The following TFB1M variants were observed in gnomAD, a reference collection of about 807,000 sequenced individuals.
TFB1M encodes transcription factor B1, mitochondrial.
Under a neutral mutation model 31.1 loss-of-function variants are expected in TFB1M, and 27 were observed. The observed-to-expected ratio is 0.87, with a 90% CI of 0.64 to 1.20. The LOEUF (loss-of-function observed/expected upper bound fraction) is 1.20. TFB1M is among the 50% of genes most tolerant of loss of function. TFB1M has a pLI of 0.00. For missense variants in TFB1M, 394 were observed against 418.7 expected (o/e 0.94, Z 0.51); for synonymous variants, 166 against 151.8 (o/e 1.09, Z -0.69).
Position 155,296,935 on chromosome 6 carries a change from C to G in TFB1M, c.546+18G>C, listed in dbSNP as rs766905185. 1 of 1,611,552 alleles carries G rather than the reference C, an allele frequency of 6.2e-7. No individual in the cohort carries two copies. Among genetic ancestry groups the G allele is most frequent in the Non-Finnish European group, 8.5e-7 (1 of 1,178,054 alleles). The stretch of plus-strand genomic sequence containing the variant: ...ATTTGAACATGTGATAAAATAGTCA[C>G]AAAATGTTAAAACTTACCTCTGCCA... On this transcript the variant is annotated intron_variant, in intron 4 of 6. Coordinates refer to ENST00000367166, the MANE Select transcript of TFB1M (RefSeq NM_016020.4).
At chr6:155,240,817 AG>A in the TFB1M span, 61 of 1,146,220 alleles carry the variant, frequency 5.3e-5, no homozygotes, top group Middle Eastern at 2.5e-4. Flanking sequence ...GCCACTCCCC[AG>A]GGGGGGACAC....
At chr6:155,266,183 T>C (rs1197178195) in intron 5 of TFB1M, among the ~76,000 whole-genome samples, 1 of 152,076 alleles carries the variant, frequency 6.6e-6, no homozygotes, top group African/African-American at 2.4e-5. Context: ...GTGTTAACCA[T>C]CACAACATTT....
Position 155,297,000 on chromosome 6 carries a change from A to G in TFB1M, c.499T>C (p.Tyr167His). Reference protein sequence around the residue: ...NISCRDGPFVYGRTQMTLTFQ... With the variant: ...NISCRDGPFVHGRTQMTLTFQ... ...GTCAAAGTCATCTGAGTTCTGCCAT[A>G]AACAAAAGGTCCATCTCTACAGGAA... Residue 167 changes from tyrosine to histidine, a missense_variant, in exon 4 of 7, where the codon TAT becomes CAT. Transcript: ENST00000367166. 6.2e-7 allele frequency: 1 copy of G among 1,614,020 alleles called. No individual in the cohort carries two copies. The highest frequency in any genetic ancestry group is 8.5e-7 in the Non-Finnish European group (1 of 1,179,940).
intron 1 of TFB1M, 72 bp downstream of exon 1, chr6:155,314,224 G>C: frequency 6.3e-7 from 1 of 1,589,346 alleles, no homozygotes; most frequent in Non-Finnish European, 8.6e-7. Context: ...CCGCGGGGAC[G>C]TGCAAGACCC....
chr6:155,258,349 A>G (rs1583303413), intron 6 of TFB1M, among the ~76,000 whole-genome samples: 1 of 151,204 alleles, frequency 6.6e-6, no homozygotes, highest in Non-Finnish European at 1.5e-5. Context: ...TTTAAAGGTA[A>G]GTAAGTAAGT....
chr6:155,254,047 C>T, downstream of TFB1M: 1 of 1,614,078 alleles, frequency 6.2e-7, no homozygotes, highest in Non-Finnish European at 8.5e-7. Flanking sequence ...AACCATCTTT[C>T]AGTTGTGTTG....
At chr6:155,251,052 G>T in the TFB1M span, 1 of 1,588,838 alleles carries the variant, frequency 6.3e-7, no homozygotes. Flanking sequence ...AATGCAGACT[G>T]AACAGAGGCT....
chr6:155,246,227 C>T, the TFB1M span, among the ~76,000 whole-genome samples: 1 of 152,136 alleles, frequency 6.6e-6, no homozygotes, highest in East Asian at 1.9e-4. Flanking sequence ...TTTCTCTCTG[C>T]GTGGGCCTGG....
Position 155,257,988 on chromosome 6 carries a change from T to C in TFB1M, c.889A>G (p.Ile297Val), listed in dbSNP as rs758508184. 15 of 1,614,244 alleles carry C rather than the reference T, an allele frequency of 9.3e-6. No individual in the cohort carries two copies. Among genetic ancestry groups the C allele is most frequent in the East Asian group, 8.9e-5 (4 of 44,884 alleles). Residue 297 changes from isoleucine (I) to valine (V), a missense_variant, in exon 7 of 7, where the codon ATC (isoleucine) becomes GTC (valine). By Grantham distance (29) the Ile-to-Val change is conservative (BLOSUM62 3). Coordinates refer to ENST00000367166, the MANE Select transcript of TFB1M (RefSeq NM_016020.4). Reference protein sequence around the residue: ...DPTLRPRQLSISHFKSLCDVY... With the variant: ...DPTLRPRQLSVSHFKSLCDVY... ...TCACAGAGGCTCTTAAAGTGTGAGA[T>C]GGAGAGCTGGCGGGGCCGAAGAGTA... is the stretch of plus-strand genomic sequence containing the variant.
At chr6:155,251,104 ACTCC>A in the TFB1M span, 6 of 1,190,344 alleles carry the variant, frequency 5.0e-6, no homozygotes, top group South Asian at 1.2e-5. Flanking sequence ...AGTCCAGCTC[ACTCC>A]TGAGCTCCAG....
Position 155,256,390 on chromosome 6 carries a change from C to G in TFB1M, c.*1446G>C, listed in dbSNP as rs1375559102. ...CTGAAGTCATATCATAAAATAAAAT[C>G]TTAATGTTAAATCTTACACAAGCTT... On this transcript the variant is annotated 3_prime_UTR_variant, in exon 7 of 7. Transcript: ENST00000367166. 6.5e-7 allele frequency: 1 copy of G among 1,548,090 alleles called. No homozygotes were observed. Among genetic ancestry groups the G allele is most frequent in the East Asian group, 2.3e-5 (1 of 44,218 alleles).
At chr6:155,272,858 T>A (rs1784997099) in intron 5 of TFB1M, among the ~76,000 whole-genome samples, 1 of 152,228 alleles carries the variant, frequency 6.6e-6, no homozygotes, top group Admixed American at 6.5e-5. Flanking sequence ...ATGAACAAAC[T>A]GTCTTCATGT....
At chr6:155,268,053 C>T (rs1346449627) in intron 5 of TFB1M, among the ~76,000 whole-genome samples, 12 of 152,108 alleles carry the variant, frequency 7.9e-5, no homozygotes, top group Non-Finnish European at 4.4e-5. Context: ...CCGAAGATGC[C>T]CTTGACTACA....
At chr6:155,300,107 G>A (rs1777359369) in intron 2 of TFB1M, among the ~76,000 whole-genome samples, 1 of 152,174 alleles carries the variant, frequency 6.6e-6, no homozygotes, top group Non-Finnish European at 1.5e-5. Context: ...CTTTTAGCCT[G>A]GGAGATGTTG....
intron 5 of TFB1M, among the ~76,000 whole-genome samples, chr6:155,268,927 A>T (rs1784789337): frequency 6.7e-6 from 1 of 148,958 alleles, no homozygotes; most frequent in Non-Finnish European, 1.5e-5. Flanking sequence ...TCTGCGAGAA[A>T]CACCCAAGAA....
chr6:155,276,311 A>G, intron 5 of TFB1M: 1 of 1,613,882 alleles, frequency 6.2e-7, no homozygotes, highest in Non-Finnish European at 8.5e-7. Context: ...CGACCCACCC[A>G]CACAGCAGCC....
chr6:155,284,167 G>T (rs1470648623), intron 5 of TFB1M, among the ~76,000 whole-genome samples: 1 of 152,224 alleles, frequency 6.6e-6, no homozygotes, highest in Non-Finnish European at 1.5e-5. Flanking sequence ...AAGTATGAAG[G>T]TGGCAGCAAA....
the TFB1M span, among the ~76,000 whole-genome samples, chr6:155,230,896 C>T: frequency 1.1e-4 from 17 of 149,376 alleles, no homozygotes; most frequent in East Asian, 4.0e-4. Context: ...TACAGTGGAA[C>T]GATCTTGGCT....
At chr6:155,263,354 C>G (rs554551506) in intron 5 of TFB1M, among the ~76,000 whole-genome samples, 1 of 152,262 alleles carries the variant, frequency 6.6e-6, no homozygotes, top group South Asian at 2.1e-4. Context: ...TTAAAATATT[C>G]TAGTTTAATG....
Sources: gnomAD v4.1 joint callset for allele counts (sites outside exome capture counted in the v4.1 genomes callset) on GRCh38, gnomAD v4.1.1 for gene constraint, MANE v1.5 for transcripts, NCBI Gene and HGNC (gene_info 2026-07-23, HGNC 2026-07-21) for gene names.